The following PPM1H variants were observed in gnomAD, a reference collection of about 807,000 sequenced individuals.
PPM1H encodes the protein protein phosphatase, Mg2+/Mn2+ dependent 1H.
Under a neutral mutation model 54.9 loss-of-function variants are expected in PPM1H, and 27 were observed. That is an observed-to-expected ratio of 0.49 (90% CI 0.36 to 0.68). The LOEUF is 0.68. Ranked by LOEUF, PPM1H falls within the 30% of genes least tolerant of loss-of-function variation. The probability of loss-of-function intolerance (pLI) is 0.00; values close to 1 mark genes in which losing one functional copy is unlikely to be tolerated. For missense variants in PPM1H, 596 were observed against 667.8 expected (o/e 0.89, Z 1.19); for synonymous variants, 305 against 270.8 (o/e 1.13, Z -1.24).
chr12:62,663,439 A>T (rs2075897525), intron 9 of PPM1H, among the ~76,000 whole-genome samples: 1 of 152,124 alleles, frequency 6.6e-6, no homozygotes, highest in Admixed American at 6.5e-5. Flanking sequence ...CTCCTGCTTC[A>T]GCCTCCCAAA....
At chr12:62,834,834 C>T (rs1315040582) in intron 1 of PPM1H, among the ~76,000 whole-genome samples, 1 of 152,196 alleles carries the variant, frequency 6.6e-6, no homozygotes, top group African/African-American at 2.4e-5. Context: ...CCTGCCTCCT[C>T]TCGGTCACTG....
At chr12:62,730,586 A>G (rs1021965362) in intron 5 of PPM1H, among the ~76,000 whole-genome samples, 2 of 152,250 alleles carry the variant, frequency 1.3e-5, no homozygotes, top group African/African-American at 4.8e-5. Flanking sequence ...AATTTTTTAA[A>G]TGTTCAGACC....
At chr12:62,795,734 G>T (rs2076729905) in intron 3 of PPM1H, among the ~76,000 whole-genome samples, 1 of 151,330 alleles carries the variant, frequency 6.6e-6, no homozygotes, top group Admixed American at 6.6e-5. Context: ...GCCCAGCCTT[G>T]TTTTGTTTTT....
At chr12:62,787,579 G>T (rs2076680307) in intron 4 of PPM1H, among the ~76,000 whole-genome samples, 1 of 152,196 alleles carries the variant, frequency 6.6e-6, no homozygotes, top group African/African-American at 2.4e-5. Context: ...CAGCTACTCA[G>T]GCTGCTGAGG....
intron 6 of PPM1H, among the ~76,000 whole-genome samples, chr12:62,694,378 G>A (rs377267072): frequency 6.6e-6 from 1 of 152,162 alleles, no homozygotes; most frequent in Non-Finnish European, 1.5e-5. Context: ...AAACTGCTTC[G>A]AGAGCCAGTT....
intron 5 of PPM1H, 25 bp from the exon 6 acceptor site, chr12:62,720,314 A>C (rs756187092): frequency 8.0e-6 from 12 of 1,507,316 alleles, no homozygotes; most frequent in Middle Eastern, 1.7e-4. Context: ...AAAAAGAAAA[A>C]ACACACACAT....
At position 62,644,119 on chromosome 12, in the gene PPM1H, AC is replaced by A. The variant is rs1401635863; in HGVS notation, c.*4369del. ...ACACAAAATAGATCCCCTTTACTAAACAGTTTTCATTTTGGGGTTACAAAAA... is the reference window on the plus strand; with the variant it reads ...ACACAAAATAGATCCCCTTTACTAAAAGTTTTCATTTTGGGGTTACAAAAA... On this transcript the variant is annotated 3_prime_UTR_variant, in exon 10 of 10. Transcript: ENST00000228705. The A allele has an allele frequency of 3.9e-5, 6 of 152,176 alleles. No homozygotes were observed. The highest frequency in any genetic ancestry group is 3.9e-4 in the Admixed American group (6 of 15,276). The allele number at this position is 152,176 out of a possible 1,614,324, so 9.4% of individuals were successfully genotyped here. A position where few individuals can be genotyped will look rare whatever the true frequency, so the allele number is the denominator to read the frequency against.
chr12:62,891,447 A>G (rs1423195850), intron 1 of PPM1H, among the ~76,000 whole-genome samples: 1 of 152,218 alleles, frequency 6.6e-6, no homozygotes, highest in Non-Finnish European at 1.5e-5. Flanking sequence ...CCATGTGTCA[A>G]CCATGTACCT....
intron 1 of PPM1H, among the ~76,000 whole-genome samples, chr12:62,923,394 TTTC>T (rs1417217534): frequency 6.6e-6 from 1 of 152,170 alleles, no homozygotes; most frequent in Non-Finnish European, 1.5e-5. Flanking sequence ...AAAATTTTTT[TTTC>T]TTTTTTTGTT....
intron 4 of PPM1H, among the ~76,000 whole-genome samples, chr12:62,784,234 A>T (rs2076658345): frequency 6.6e-6 from 1 of 152,194 alleles, no homozygotes; most frequent in Non-Finnish European, 1.5e-5. Flanking sequence ...CACATGGATC[A>T]GGTACTCGCG....
intron 4 of PPM1H, chr12:62,756,236 C>A (rs149525790): frequency 3.8e-6 from 3 of 784,198 alleles, no homozygotes; most frequent in Non-Finnish European, 6.6e-6. Flanking sequence ...AGGAGTAAGA[C>A]CCCTGGACTA....
At chr12:62,750,166 G>T (rs907166367) in intron 4 of PPM1H, among the ~76,000 whole-genome samples, 7 of 152,024 alleles carry the variant, frequency 4.6e-5, no homozygotes, top group African/African-American at 7.2e-5. Flanking sequence ...ACAATTCAGT[G>T]TTTTTTGGTA....
rs965939169 is a variant in PPM1H at position 62,934,477 on chromosome 12, T to C, written c.245+15A>G. On this transcript the variant is annotated intron_variant, in intron 1 of 9. Transcript: ENST00000228705. The surrounding 1 kb of genome is among the most constrained non-coding windows in gnomAD (Gnocchi z 4.2). The stretch of plus-strand genomic sequence containing the variant: ...GCGAGGAGAGCAGGGGCGCCGCCGG[T>C]GTCGCTGCACTCACTCTGCGTAGCC... 4.6e-6 allele frequency: 7 copies of C among 1,531,184 alleles called. No individual in the cohort carries two copies. The highest frequency in any genetic ancestry group is 6.1e-6 in the Non-Finnish European group (7 of 1,139,994). 94.8% of individuals were successfully genotyped at this position (1,531,184 alleles called of 1,614,324 possible).
At position 62,805,397 on chromosome 12, in the gene PPM1H, C is replaced by T. The variant is rs994760560; in HGVS notation, c.412-3237G>A. Among the ~76,000 whole-genome samples, 11 of 152,170 alleles carry T rather than the reference C, an allele frequency of 7.2e-5. 1 individual carries two copies. The highest frequency in any genetic ancestry group is 1.2e-4 in the African/African-American group (5 of 41,438). On this transcript the variant is annotated intron_variant, in intron 2 of 9. Coordinates refer to ENST00000228705, the MANE Select transcript of PPM1H (RefSeq NM_020700.2). ...AATGAAATCAGTATCTATAGCCCAA[C>T]GTTCATTGCAGCATTATTCACAACA...
chr12:62,720,347 TA>T, intron 5 of PPM1H, 58 bp from the exon 6 acceptor site: 1 of 1,346,478 alleles, frequency 7.4e-7, no homozygotes, highest in Non-Finnish European at 1.0e-6. Context: ...AGAAACAAAA[TA>T]AGAATCAAGG....
rs774396082 is a variant in PPM1H, at chr12:62,934,717, G to C, written c.20C>G (p.Ser7Cys). 3 of 1,603,582 alleles carry C rather than the reference G, an allele frequency of 1.9e-6. No individual in the cohort carries two copies. Among genetic ancestry groups the C allele is most frequent in the Non-Finnish European group, 2.6e-6 (3 of 1,174,266 alleles). ...GCCGCCCATGAAATTGGCCACGGCAGATTTCACTCGAGTGAGCATATTACT... is the reference window on the plus strand; with the variant it reads ...GCCGCCCATGAAATTGGCCACGGCACATTTCACTCGAGTGAGCATATTACT... Reference protein sequence around the residue: MLTRVKSAVANFMGGIM... With the variant: MLTRVKCAVANFMGGIM... Residue 7 changes from serine (S) to cysteine (C), a missense_variant, in exon 1 of 10, where the codon TCT becomes TGT. By Grantham distance (112) the Ser-to-Cys change is moderately radical (BLOSUM62 -1). Coordinates refer to ENST00000228705, the MANE Select transcript of PPM1H (RefSeq NM_020700.2). The surrounding 1 kb of genome is among the most constrained non-coding windows in gnomAD (Gnocchi z 4.2).
chr12:62,865,576 A>T (rs890498666), intron 1 of PPM1H, among the ~76,000 whole-genome samples: 1 of 152,166 alleles, frequency 6.6e-6, no homozygotes, highest in Non-Finnish European at 1.5e-5. Flanking sequence ...GGTCTCACTT[A>T]ACCTCCGTCT....
intron 9 of PPM1H, 98 bp downstream of exon 9, chr12:62,667,080 C>CT: frequency 1.5e-6 from 2 of 1,360,754 alleles, no homozygotes; most frequent in Non-Finnish European, 2.0e-6. Flanking sequence ...ATATCAGCCT[C>CT]TAAGTCATGA....
At chr12:62,748,003 C>A (rs1269598447) in intron 4 of PPM1H, among the ~76,000 whole-genome samples, 2 of 152,098 alleles carry the variant, frequency 1.3e-5, no homozygotes, top group African/African-American at 2.4e-5. Flanking sequence ...GAAAAGAAAT[C>A]CAAAATCCCC....
Sources: allele counts gnomAD v4.1 joint callset (sites outside exome capture counted in the v4.1 genomes callset), GRCh38; gene constraint gnomAD v4.1.1; non-coding constraint Gnocchi (gnomAD v3.1); transcripts MANE v1.5; gene names NCBI Gene and HGNC (gene_info 2026-07-23, HGNC 2026-07-21).